Variants in CEACAM21 observed in about 807,000 individuals in gnomAD.
CEACAM21 encodes cell adhesion molecule CEACAM21.
Under a neutral mutation model 33.2 loss-of-function variants are expected in CEACAM21, and 38 were observed. The observed-to-expected ratio is 1.14, with a 90% confidence interval of 0.88 to 1.50. The LOEUF (loss-of-function observed/expected upper bound fraction) is 1.50, where lower values mean the gene tolerates loss of function less well. CEACAM21 is among the 40% of genes most tolerant of loss of function. The pLI, the probability that CEACAM21 is intolerant of heterozygous loss-of-function variation, is 0.00. For missense variants in CEACAM21, 385 were observed against 364.6 expected (o/e 1.06, Z -0.46); for synonymous variants, 156 against 143.0 (o/e 1.09, Z -0.65).
At chr19:41,582,614 T>G (rs2122280364) in intron 3 of CEACAM21, among the ~76,000 whole-genome samples, 1 of 152,356 alleles carries the variant, frequency 6.6e-6, no homozygotes, top group East Asian at 1.9e-4. Flanking sequence ...TCTGTGCACC[T>G]GCAGGCTCAA....
chr19:41,578,236 G>A (rs1171434005), intron 2 of CEACAM21, among the ~76,000 whole-genome samples: 1 of 151,926 alleles, frequency 6.6e-6, no homozygotes, highest in African/African-American at 2.4e-5. Flanking sequence ...GTCCTCAGGA[G>A]GAGGGAAAGC....
chr19:41,584,319 C>G, intron 3 of CEACAM21, 28 bp from the exon 4 acceptor site: 5 of 1,582,272 alleles, frequency 3.2e-6, no homozygotes, highest in African/African-American at 1.3e-5. Flanking sequence ...CAGATTTGGA[C>G]CTCATCCCCT....
At chr19:41,570,801 G>T (rs1046909257) in intron 2 of CEACAM21, among the ~76,000 whole-genome samples, 1 of 152,186 alleles carries the variant, frequency 6.6e-6, no homozygotes, top group Non-Finnish European at 1.5e-5. Flanking sequence ...AAGGGCAAGG[G>T]CGCCATCTAG....
In CEACAM21 at chr19:41,584,365, G is replaced by A; in HGVS notation, c.719G>A (p.Gly240Asp). ...LTVKSDDNTL[G>D]ILIGVLVGSL... Reference sequence around the variant, plus strand: ...CTTTCAGCAGATGACAACACTCTAGGCATCCTGATCGGGGTCCTGGTTGGG... The same window carrying A: ...CTTTCAGCAGATGACAACACTCTAGACATCCTGATCGGGGTCCTGGTTGGG... Residue 240 changes from glycine to aspartate, a missense_variant, in exon 4 of 7, where the codon GGC becomes GAC. By Grantham distance (94) the Gly-to-Asp change is moderately conservative. Transcript: ENST00000401445. The A allele has an allele frequency of 6.2e-7, 1 of 1,611,510 alleles. No individual in the cohort carries two copies. Among genetic ancestry groups the A allele is most frequent in the Non-Finnish European group, 8.5e-7 (1 of 1,178,736 alleles).
intron 1 of CEACAM21, chr19:41,551,664 G>T (rs555440492): frequency 6.6e-6 from 1 of 152,246 alleles, no homozygotes; most frequent in Non-Finnish European, 1.5e-5. Flanking sequence ...AGTCCTGAGG[G>T]TGTTTGAGAA....
At position 41,585,407 on chromosome 19, in the gene CEACAM21, C is replaced by T. The variant is rs371866224; in HGVS notation, c.798-36C>T. ...TTTAACTCCAATTTGTGACTTTTAACCTTGCACCTTCACAAATAACCCTGA... is the reference window on the plus strand; with the variant it reads ...TTTAACTCCAATTTGTGACTTTTAATCTTGCACCTTCACAAATAACCCTGA... On this transcript the variant is annotated intron_variant, in intron 4 of 6. Coordinates refer to ENST00000401445, the MANE Select transcript of CEACAM21 (RefSeq NM_001098506.4). 77 of 1,611,628 alleles carry T rather than the reference C, an allele frequency of 4.8e-5. No homozygotes were observed. The Middle Eastern group carries it at 1.2e-3, about 24-fold the overall frequency.
chr19:41,567,535 G>A (rs577895026), intron 2 of CEACAM21, among the ~76,000 whole-genome samples: 1 of 152,202 alleles, frequency 6.6e-6, no homozygotes, highest in South Asian at 2.1e-4. Flanking sequence ...GCATAAAAGG[G>A]TGCCCCCTTT....
At chr19:41,580,704 T>C (rs1269058266) in intron 3 of CEACAM21, among the ~76,000 whole-genome samples, 1 of 152,200 alleles carries the variant, frequency 6.6e-6, no homozygotes, top group Non-Finnish European at 1.5e-5. Context: ...CTCCAGAAAC[T>C]TCCATGGGTT....
chr19:41,575,591 C>T (rs1374132700), upstream of CEACAM21, among the ~76,000 whole-genome samples: 1 of 152,204 alleles, frequency 6.6e-6, no homozygotes, highest in African/African-American at 2.4e-5. Context: ...CCAAGGACAG[C>T]AGAACCCAGA....
chr19:41,568,606 G>A (rs900833085), intron 2 of CEACAM21, among the ~76,000 whole-genome samples: 1 of 152,116 alleles, frequency 6.6e-6, no homozygotes, highest in Non-Finnish European at 1.5e-5. Context: ...AGATGCATGG[G>A]TTTATTTCTG....
At chr19:41,571,125 A>G (rs781877428) in intron 2 of CEACAM21, among the ~76,000 whole-genome samples, 3 of 152,182 alleles carry the variant, frequency 2.0e-5, no homozygotes, top group Non-Finnish European at 4.4e-5. Context: ...CTGACAACCA[A>G]CAATGTTTCC....
intron 2 of CEACAM21, among the ~76,000 whole-genome samples, chr19:41,568,990 C>T (rs960745141): frequency 2.0e-5 from 3 of 152,142 alleles, no homozygotes; most frequent in Admixed American, 1.3e-4. Context: ...CAATGTTTTA[C>T]AGTTTTCATT....
At chr19:41,571,602 G>A (rs187601562), upstream of CEACAM21, among the ~76,000 whole-genome samples, 6 of 152,312 alleles carry the variant, frequency 3.9e-5, no homozygotes, top group African/African-American at 9.6e-5. Flanking sequence ...TCTTATTAAG[G>A]GGAAAATTGT....
intron 3 of CEACAM21, 95 bp downstream of exon 3, chr19:41,579,723 A>T: frequency 2.3e-6 from 2 of 883,006 alleles, no homozygotes; most frequent in Non-Finnish European, 3.4e-6. Flanking sequence ...GAAGGATGAG[A>T]TTCCTTCAGA....
At chr19:41,556,184 G>A (rs2041510825) in intron 1 of CEACAM21, among the ~76,000 whole-genome samples, 1 of 152,222 alleles carries the variant, frequency 6.6e-6, no homozygotes, top group Admixed American at 6.5e-5. Flanking sequence ...CAAAAGGAAG[G>A]TAAAGAAGGG....
rs1555791710 is a variant in CEACAM21, at chr19:41,577,482, A to T, written c.347A>T (p.Asp116Val). ...DLHFQNVTLE[D>V]TGYYNLQVTY... ...CATTTCCAGAACGTCACCCTAGAGG[A>T]CACGGGATACTACAACCTACAAGTC... is the stretch of plus-strand genomic sequence containing the variant. The change falls in exon 2 of 7, where the codon GAC becomes GTC. Residue 116 changes from aspartate to valine, a missense_variant. Coordinates refer to ENST00000401445, the MANE Select transcript of CEACAM21 (RefSeq NM_001098506.4). 1.9e-6 allele frequency: 3 copies of T among 1,614,044 alleles called. No individual in the cohort carries two copies. The Admixed American group carries it at 5.0e-5, about 27-fold the overall frequency.
chr19:41,579,510 G>A lies in CEACAM21; in HGVS notation c.582G>A (p.Trp194Ter), dbSNP rs1287977330. The change falls in exon 3 of 7, where the codon TGG becomes TGA. Residue 194 changes from tryptophan to a stop codon, truncating the protein, a stop_gained. Coordinates refer to ENST00000401445, the MANE Select transcript of CEACAM21 (RefSeq NM_001098506.4). LOFTEE classifies it high-confidence loss of function. ...TCACGAAGAGGATGAAGCTGTCCTGGTTTAACCATGTGCTCACCATAGACC... is the reference window on the plus strand; with the variant it reads ...TCACGAAGAGGATGAAGCTGTCCTGATTTAACCATGTGCTCACCATAGACC... ...LQVTKRMKLSWFNHVLTIDPI... is the reference protein window; with the variant it reads ...LQVTKRMKLS 5.6e-6 allele frequency: 9 copies of A among 1,613,572 alleles called. No homozygotes were observed. The highest frequency in any genetic ancestry group is 7.6e-6 in the Non-Finnish European group (9 of 1,179,770).
chr19:41,574,904 G>A (rs577380127), upstream of CEACAM21, among the ~76,000 whole-genome samples: 2 of 152,122 alleles, frequency 1.3e-5, no homozygotes, highest in East Asian at 1.9e-4. Context: ...TCATTGCAGC[G>A]GTTTTCACAA....
At chr19:41,585,927 A>G (rs1416083771) in intron 6 of CEACAM21, 56 bp downstream of exon 6, 2 of 1,564,140 alleles carry the variant, frequency 1.3e-6, no homozygotes, top group East Asian at 4.5e-5. Flanking sequence ...GTGCAGGCTC[A>G]GGGCAGGGGG....
Sources: allele counts gnomAD v4.1 joint callset (sites outside exome capture counted in the v4.1 genomes callset), GRCh38; gene constraint gnomAD v4.1.1; transcripts MANE v1.5; gene names NCBI Gene and HGNC (gene_info 2026-07-23, HGNC 2026-07-21).